Variants in GOLM1 observed in about 807,000 individuals in gnomAD.
The protein encoded by GOLM1 is golgi membrane protein 1, also known as epididymis luminal protein 46.
GOLM1 carries 31 observed loss-of-function variants against 50.5 expected under a neutral mutation model. The ratio of observed to expected loss-of-function variants is 0.61; its 90% CI spans 0.46 to 0.83. GOLM1 has a LOEUF of 0.83. GOLM1 is among the 40% of genes least tolerant of loss of function. The probability of loss-of-function intolerance (pLI) is 0.00; values close to 1 mark genes in which losing one functional copy is unlikely to be tolerated. For synonymous variants in GOLM1, 178 were observed against 192.8 expected (o/e 0.92, Z 0.64); for missense variants, 491 against 501.3 (o/e 0.98, Z 0.20).
intron 1 of GOLM1, among the ~76,000 whole-genome samples, chr9:86,084,387 C>A (rs910734713): frequency 6.6e-6 from 1 of 152,192 alleles, no homozygotes; most frequent in Non-Finnish European, 1.5e-5. Context: ...ATCGACATCA[C>A]ATACCCCCTG....
Position 86,033,360 on chromosome 9 carries a change from A to G in GOLM1, c.1051T>C (p.Tyr351His), listed in dbSNP as rs774475953. 6.2e-7 allele frequency: 1 copy of G among 1,612,658 alleles called. No individual in the cohort carries two copies. The highest frequency in any genetic ancestry group is 8.5e-7 in the Non-Finnish European group (1 of 1,178,680). ...NQQKLRGEDD[Y>H]NMDENEAESE... ...TCTGCTTCATTTTCATCCATGTTGTAGTCATCTTCTCCTCTCAGTTTCTGC... is the reference window on the plus strand; with the variant it reads ...TCTGCTTCATTTTCATCCATGTTGTGGTCATCTTCTCCTCTCAGTTTCTGC... Residue 351 changes from tyrosine to histidine, a missense_variant, in exon 9 of 10, where the codon TAC (tyrosine) becomes CAC (histidine). Physicochemically the swap from Tyr to His is moderately conservative, Grantham distance 83. Coordinates refer to ENST00000388712, the MANE Select transcript of GOLM1 (RefSeq NM_016548.4).
In GOLM1 at chr9:86,026,207, A is replaced by G; in HGVS notation, c.*1610T>C. The stretch of plus-strand genomic sequence containing the variant: ...ATGCGTACAAATTAAACATGAGATG[A>G]ATAGAGACTTTATTGAGAAAGCAAG... On this transcript the variant is annotated 3_prime_UTR_variant, in exon 10 of 10. Coordinates refer to ENST00000388712, the MANE Select transcript of GOLM1 (RefSeq NM_016548.4). 1.0e-6 allele frequency: 1 copy of G among 980,834 alleles called. No individual in the cohort carries two copies. The highest frequency in any genetic ancestry group is 1.2e-6 in the Non-Finnish European group (1 of 825,784). 60.8% of individuals were successfully genotyped at this position (980,834 alleles called of 1,614,324 possible). A position where few individuals can be genotyped will look rare whatever the true frequency, so the allele number is the denominator to read the frequency against.
intron 3 of GOLM1, among the ~76,000 whole-genome samples, chr9:86,072,760 T>C (rs1834485130): frequency 6.6e-6 from 1 of 152,252 alleles, no homozygotes; most frequent in Non-Finnish European, 1.5e-5. Context: ...TGTCTTTGTG[T>C]AACCATCATA....
At chr9:86,042,514 G>A (rs751403497) in intron 5 of GOLM1, among the ~76,000 whole-genome samples, 1 of 152,132 alleles carries the variant, frequency 6.6e-6, no homozygotes, top group Non-Finnish European at 1.5e-5. Context: ...AAGGGAACCA[G>A]GTGCTATGGA....
At chr9:86,067,070 G>T (rs1301808078) in intron 3 of GOLM1, among the ~76,000 whole-genome samples, 1 of 152,136 alleles carries the variant, frequency 6.6e-6, no homozygotes, top group Non-Finnish European at 1.5e-5. Flanking sequence ...CAAGTAGCTG[G>T]GATTACAGGC....
intron 4 of GOLM1, among the ~76,000 whole-genome samples, chr9:86,048,284 T>C (rs1045997137): frequency 5.3e-5 from 8 of 152,050 alleles, no homozygotes; most frequent in South Asian, 2.1e-4. Flanking sequence ...TGTTGGACAT[T>C]TGGGTTGATT....
Position 86,073,598 on chromosome 9 carries a change from G to T in GOLM1, c.309+3814C>A, listed in dbSNP as rs553357319. Among the ~76,000 whole-genome samples, 39 of 152,152 alleles carry T rather than the reference G, an allele frequency of 2.6e-4. No individual in the cohort carries two copies. The South Asian group carries it at 8.1e-3, about 32-fold the overall frequency. On this transcript the variant is annotated intron_variant, in intron 3 of 9. Transcript: ENST00000388712. Reference sequence around the variant, plus strand: ...TTGCCCAATTGCCCACACTGCTCCCGAACCTTACAGAGAAGGGGGAAAGGC... The same window carrying T: ...TTGCCCAATTGCCCACACTGCTCCCTAACCTTACAGAGAAGGGGGAAAGGC...
intron 3 of GOLM1, among the ~76,000 whole-genome samples, chr9:86,054,086 C>T (rs1833912385): frequency 6.6e-6 from 1 of 152,132 alleles, no homozygotes; most frequent in African/African-American, 2.4e-5. Flanking sequence ...CACAGTCTCA[C>T]CATGCTGGGA....
chr9:86,079,509 C>T (rs1834724092), intron 1 of GOLM1, among the ~76,000 whole-genome samples, 168 bp from the exon 2 acceptor site: 1 of 152,136 alleles, frequency 6.6e-6, no homozygotes, highest in African/African-American at 2.4e-5. Context: ...GTGAACGGCA[C>T]GCACAGAGCC....
intron 8 of GOLM1, among the ~76,000 whole-genome samples, chr9:86,034,684 A>G (rs1010013161): frequency 6.6e-6 from 1 of 152,170 alleles, no homozygotes; most frequent in Non-Finnish European, 1.5e-5. Context: ...TTTAAATGGA[A>G]TCAAGGTAAC....
chr9:86,042,513 A>G (rs749683774), intron 5 of GOLM1, among the ~76,000 whole-genome samples: 4 of 152,208 alleles, frequency 2.6e-5, no homozygotes, highest in Non-Finnish European at 5.9e-5. Flanking sequence ...GAAGGGAACC[A>G]GGTGCTATGG....
chr9:86,086,052 G>C (rs573262205), intron 1 of GOLM1, among the ~76,000 whole-genome samples: 1 of 152,300 alleles, frequency 6.6e-6, no homozygotes, highest in African/African-American at 2.4e-5. Context: ...TCACCACACT[G>C]TTTTCCACAA....
intron 1 of GOLM1, among the ~76,000 whole-genome samples, chr9:86,091,313 T>C (rs922908981): frequency 1.3e-5 from 2 of 152,214 alleles, no homozygotes; most frequent in African/African-American, 2.4e-5. Flanking sequence ...TCTAAGTTTA[T>C]AAACAACTTA....
intron 3 of GOLM1, among the ~76,000 whole-genome samples, chr9:86,057,498 TGGGCTCACCCGAGCCGG>T (rs1194130297): frequency 1.3e-5 from 2 of 152,230 alleles, no homozygotes; most frequent in East Asian, 3.9e-4. Context: ...CTCCCACCTG[TGGGCTCACCCGAGCCGG>T]GGTGCAGCTG....
chr9:86,069,634 T>A (rs1834393540), intron 3 of GOLM1, among the ~76,000 whole-genome samples: 1 of 152,178 alleles, frequency 6.6e-6, no homozygotes, highest in African/African-American at 2.4e-5. Flanking sequence ...CCTCCTCTCA[T>A]CCAGTGGGCT....
intron 1 of GOLM1, among the ~76,000 whole-genome samples, chr9:86,093,986 A>C (rs1349714632): frequency 6.6e-6 from 1 of 152,206 alleles, no homozygotes; most frequent in African/African-American, 2.4e-5. Context: ...GCTCAGCAGG[A>C]AGTTCAGAAG....
Position 86,065,237 on chromosome 9 carries a change from C to T in GOLM1, c.309+12175G>A, listed in dbSNP as rs75016128. 1.7e-3 allele frequency among the ~76,000 whole-genome samples: 260 copies of T among 152,296 alleles called. 2 individuals are homozygous for T. The East Asian group carries it at 0.027, about 16-fold the overall frequency. On this transcript the variant is annotated intron_variant, in intron 3 of 9. Transcript: ENST00000388712. ...TACACTGACCCCACTACACTCACTT[C>T]CTCATCTTTGTCCAGCACTCAATGG...
intron 1 of GOLM1, chr9:86,079,588 C>A: frequency 3.0e-6 from 1 of 338,432 alleles, no homozygotes; most frequent in Non-Finnish European, 5.3e-6. Context: ...GGCACCGCCC[C>A]GAAACCTGCC....
intron 3 of GOLM1, among the ~76,000 whole-genome samples, chr9:86,055,340 G>C (rs1028536410): frequency 1.3e-5 from 2 of 152,158 alleles, no homozygotes; most frequent in African/African-American, 4.8e-5. Flanking sequence ...CCACACAGTA[G>C]GAATCAGATT....
Sources: allele counts gnomAD v4.1 joint callset (sites outside exome capture counted in the v4.1 genomes callset), GRCh38; gene constraint gnomAD v4.1.1; transcripts MANE v1.5; gene names NCBI Gene and HGNC (gene_info 2026-07-23, HGNC 2026-07-21).